Variants in CAMK4 observed in about 807,000 individuals in gnomAD.
The protein encoded by CAMK4 is calcium/calmodulin-dependent protein kinase type IV.
CAMK4 carries 22 observed loss-of-function variants against 44.9 expected under a neutral mutation model. The observed-to-expected ratio is 0.49, with a 90% CI of 0.35 to 0.70. The LOEUF is 0.70. Among genes scored for constraint, CAMK4 ranks in the 30% least tolerant of loss-of-function variants. The pLI is 0.01. For synonymous variants in CAMK4, 218 were observed against 215.4 expected (o/e 1.01, Z -0.11); for missense variants, 498 against 586.8 (o/e 0.85, Z 1.56).
chr5:111,225,012 G>T (rs1748117611), intron 1 of CAMK4, among the ~76,000 whole-genome samples: 1 of 152,108 alleles, frequency 6.6e-6, no homozygotes, highest in African/African-American at 2.4e-5. Context: ...ATTGTTTAGG[G>T]TGGGGGCCGG....
intron 5 of CAMK4, among the ~76,000 whole-genome samples, chr5:111,434,062 C>T (rs1007256711): frequency 3.3e-5 from 5 of 151,972 alleles, no homozygotes; most frequent in African/African-American, 7.3e-5. Flanking sequence ...TTTGGGAGGC[C>T]GAGCAGGCGG....
intron 1 of CAMK4, among the ~76,000 whole-genome samples, chr5:111,231,488 T>C (rs1472856178): frequency 6.6e-6 from 1 of 152,176 alleles, no homozygotes; most frequent in East Asian, 1.9e-4. Flanking sequence ...ATGTGTCCCC[T>C]CTCTCCTCTT....
intron 1 of CAMK4, among the ~76,000 whole-genome samples, chr5:111,234,853 G>C (rs1748641872): frequency 6.6e-6 from 1 of 152,218 alleles, no homozygotes; most frequent in Admixed American, 6.5e-5. Flanking sequence ...TTCTTTACAA[G>C]TTTGTAGTAG....
At chr5:111,396,629 TTC>T (rs1752019654) in intron 5 of CAMK4, among the ~76,000 whole-genome samples, 4 of 130,596 alleles carry the variant, frequency 3.1e-5, no homozygotes, top group East Asian at 2.3e-4. Flanking sequence ...TTAACTCATA[TTC>T]TTTTTTTTTT....
intron 2 of CAMK4, among the ~76,000 whole-genome samples, chr5:111,365,846 C>A (rs540554942): frequency 5.3e-5 from 8 of 152,142 alleles, no homozygotes; most frequent in Admixed American, 3.9e-4. Flanking sequence ...GAGGTACCAG[C>A]CTCATGTAGG....
rs1421934559 is a variant in CAMK4, at chr5:111,473,370, A to G, written c.685A>G (p.Ile229Val). Residue 229 changes from isoleucine to valine, a missense_variant, in exon 8 of 11, where the codon ATA becomes GTA. By Grantham distance (29) the Ile-to-Val change is conservative. This residue lies in a region of CAMK4 where 203 missense variants were observed against 298.2 expected (regional missense o/e 0.68). Transcript: ENST00000282356. ...TGAGGTGGACATGTGGTCTGTAGGA[A>G]TAATCACCTACATCTTGTAAGTGAA... ...GPEVDMWSVGIITYILLCGFE... is the reference protein window; with the variant it reads ...GPEVDMWSVGVITYILLCGFE... 11 of 1,605,036 alleles carry G rather than the reference A, an allele frequency of 6.9e-6. No individual in the cohort carries two copies. The highest frequency in any genetic ancestry group is 1.3e-5 in the African/African-American group (1 of 74,756).
chr5:111,372,806 G>T (rs1288469326), intron 2 of CAMK4, among the ~76,000 whole-genome samples: 1 of 152,132 alleles, frequency 6.6e-6, no homozygotes, highest in Non-Finnish European at 1.5e-5. Flanking sequence ...GATGTATCAA[G>T]ATGTGCGTCT....
chr5:111,408,269 A>C (rs1368183304), intron 5 of CAMK4, among the ~76,000 whole-genome samples: 1 of 152,188 alleles, frequency 6.6e-6, no homozygotes, highest in Admixed American at 6.5e-5. Flanking sequence ...TATAGCCCAG[A>C]GTGAGTAATT....
intron 5 of CAMK4, among the ~76,000 whole-genome samples, chr5:111,403,526 A>G (rs558136185): frequency 6.6e-5 from 10 of 152,196 alleles, no homozygotes; most frequent in Non-Finnish European, 1.3e-4. Flanking sequence ...TTTTACCTGT[A>G]AAAAGTAAAA....
intron 7 of CAMK4, among the ~76,000 whole-genome samples, chr5:111,459,257 A>G (rs1754548906): frequency 1.3e-5 from 2 of 152,222 alleles, no homozygotes; most frequent in Non-Finnish European, 2.9e-5. Flanking sequence ...GAAGCTCCAC[A>G]AGGCAGAAGT....
At chr5:111,287,006 T>A (rs1035366202) in intron 1 of CAMK4, among the ~76,000 whole-genome samples, 14 of 152,168 alleles carry the variant, frequency 9.2e-5, no homozygotes, top group African/African-American at 3.4e-4. Context: ...TTCTTGAGAG[T>A]TTTTGGAAAT....
intron 9 of CAMK4, among the ~76,000 whole-genome samples, chr5:111,479,079 A>C (rs141447386): frequency 2.6e-5 from 4 of 152,078 alleles, no homozygotes; most frequent in African/African-American, 9.7e-5. Context: ...GGGTCTTGCT[A>C]TGTTGCCCAG....
chr5:111,470,802 C>T (rs1262554910), intron 7 of CAMK4, among the ~76,000 whole-genome samples: 1 of 152,202 alleles, frequency 6.6e-6, no homozygotes, highest in East Asian at 1.9e-4. Context: ...TGAGCATGAG[C>T]ATTTTTGTGG....
chr5:111,481,208 T>C (rs1480606835), intron 9 of CAMK4, among the ~76,000 whole-genome samples: 2 of 152,184 alleles, frequency 1.3e-5, no homozygotes, highest in African/African-American at 4.8e-5. Context: ...AGGAAGATAG[T>C]AATGAGGAGG....
At chr5:111,372,716 C>T (rs1052542902) in intron 2 of CAMK4, among the ~76,000 whole-genome samples, 15 of 152,128 alleles carry the variant, frequency 9.9e-5, no homozygotes, top group Admixed American at 5.9e-4. Context: ...AATACATGGT[C>T]TGAATCATGC....
At chr5:111,244,633 C>T (rs1377012691) in intron 1 of CAMK4, among the ~76,000 whole-genome samples, 1 of 152,154 alleles carries the variant, frequency 6.6e-6, no homozygotes, top group African/African-American at 2.4e-5. Context: ...GAGGCTGAGG[C>T]AGGCGGATGT....
intron 1 of CAMK4, among the ~76,000 whole-genome samples, chr5:111,254,381 A>G (rs1749647577): frequency 6.6e-6 from 1 of 152,180 alleles, no homozygotes; most frequent in Non-Finnish European, 1.5e-5. Flanking sequence ...GTGCGCTGTG[A>G]GATGATCCCA....
intron 5 of CAMK4, among the ~76,000 whole-genome samples, chr5:111,421,139 C>T (rs1473351774): frequency 6.6e-6 from 1 of 152,228 alleles, no homozygotes; most frequent in Non-Finnish European, 1.5e-5. Flanking sequence ...GAAAACTTCA[C>T]AATCCACGTT....
Position 111,397,611 on chromosome 5 carries a change from T to G in CAMK4, c.459+2829T>G, listed in dbSNP as rs1463528265. ...AATTGTGCTGAAATTTTAGTATGTT[T>G]GTATGGTTATAACAGGTAATATCCT... is the stretch of plus-strand genomic sequence containing the variant. On this transcript the variant is annotated intron_variant, in intron 5 of 10. Coordinates refer to ENST00000282356, the MANE Select transcript of CAMK4 (RefSeq NM_001744.6). Among the ~76,000 whole-genome samples the G allele has an allele frequency of 2.6e-5, 4 of 152,198 alleles. No homozygotes were observed. The East Asian group carries it at 7.7e-4, about 29-fold the overall frequency.
Sources: gnomAD v4.1 joint callset for allele counts (sites outside exome capture counted in the v4.1 genomes callset) on GRCh38, gnomAD v4.1.1 for gene constraint, gnomAD v4.1.1 regional missense constraint, MANE v1.5 for transcripts, NCBI Gene and HGNC (gene_info 2026-07-23, HGNC 2026-07-21) for gene names.